Variants in C17orf58 observed in about 807,000 individuals in gnomAD.
C17orf58 encodes the protein UPF0450 protein C17orf58.
In C17orf58, 5 loss-of-function variants were observed where a neutral mutation model predicts 7.4. The observed-to-expected ratio is 0.67, with a 90% CI of 0.35 to 1.42. C17orf58 has a LOEUF of 1.42. Ranked by LOEUF, C17orf58 falls within the 40% of genes most tolerant of loss-of-function variation. The probability of loss-of-function intolerance (pLI) is 0.04; values close to 1 mark genes in which losing one functional copy is unlikely to be tolerated. For synonymous variants in C17orf58, 60 were observed against 70.6 expected (o/e 0.85, Z 0.75); for missense variants, 162 against 174.2 (o/e 0.93, Z 0.40).
Position 67,991,875 on chromosome 17 carries a change from C to G in C17orf58, c.*38G>C, listed in dbSNP as rs782136524. 2.3e-5 allele frequency: 36 copies of G among 1,539,198 alleles called. No homozygotes were observed. In the South Asian group the frequency reaches 4.1e-4, roughly 17 times the overall value. ...CCTTTCATGTCTTGTTGCCGACGTC[C>G]AAGTCTCTTGCGGTCCAGAAATGCC... is the stretch of plus-strand genomic sequence containing the variant. On this transcript the variant is annotated 3_prime_UTR_variant, in exon 4 of 4. Transcript: ENST00000580729.
At chr17:67,994,041 G>A in intron 1 of C17orf58, 57 bp from the exon 2 acceptor site, 1 of 383,930 alleles carries the variant, frequency 2.6e-6, no homozygotes, top group Non-Finnish European at 4.6e-6. Context: ...AGCAGTGAGG[G>A]GAGGCCGTCG....
In C17orf58 at chr17:67,996,163, G is replaced by T. The variant is rs1356590878; in HGVS notation, c.36C>A (p.Ile12=). Residue 12 remains isoleucine, a synonymous_variant, in exon 1 of 4, where the codon ATC becomes ATA. Transcript: ENST00000580729. ...CCGGTGCTTCGGGGGATGATCCGAC[G>T]ATCAAACAGAGGAGCCAGAAAGCTC... is the stretch of plus-strand genomic sequence containing the variant. The part of the protein sequence containing the change: ...TARAFWLLCL[I]VGSSPEAPVA... 2.5e-6 allele frequency: 1 copy of T among 399,006 alleles called. No homozygotes were observed. Among genetic ancestry groups the T allele is most frequent in the Non-Finnish European group, 4.4e-6 (1 of 226,104 alleles). The allele number at this position is 399,006 out of a possible 1,614,324, so 24.7% of individuals were successfully genotyped here.
At chr17:67,992,665 A>G (rs1434220024) in intron 3 of C17orf58, among the ~76,000 whole-genome samples, 1 of 151,206 alleles carries the variant, frequency 6.6e-6, no homozygotes, top group Non-Finnish European at 1.5e-5. Flanking sequence ...CCCAGAGCAC[A>G]TGTCTAGAAA....
intron 1 of C17orf58, among the ~76,000 whole-genome samples, chr17:67,995,819 C>T (rs1310289144): frequency 1.3e-5 from 2 of 152,260 alleles, no homozygotes; most frequent in Admixed American, 1.3e-4. Flanking sequence ...CGCCACGACC[C>T]CTTTTGACAC....
Position 67,993,057 on chromosome 17 carries a change from T to A in C17orf58, c.816A>T (p.Pro272=), listed in dbSNP as rs2148736844. The change falls in exon 3 of 4, where the codon CCA becomes CCT. Residue 272 remains proline (P), a synonymous_variant. Coordinates refer to ENST00000580729, the MANE Select transcript of C17orf58 (RefSeq NM_001382359.1). The surrounding 1 kb of genome is among the most constrained non-coding windows in gnomAD (Gnocchi z 5.1). The stretch of plus-strand genomic sequence containing the variant: ...CAGTTTCAATACCAGGTTTAAACTC[T>A]GGACACGGCTTATTGCAGCTGGAGG... ...LDSSSCNKPC[P]EFKPGSRYIV... 1.2e-6 allele frequency: 2 copies of A among 1,614,204 alleles called. No individual in the cohort carries two copies. The highest frequency in any genetic ancestry group is 4.5e-5 in the East Asian group (2 of 44,878).
rs1291189426 is a variant in C17orf58 at position 67,994,510 on chromosome 17, G to GTATA, written c.77-527_77-526insTATA. Among the ~76,000 whole-genome samples, 187 of 71,502 alleles carry GTATA rather than the reference G, an allele frequency of 2.6e-3. 2 individuals carry two copies. The highest frequency in any genetic ancestry group is 8.0e-3 in the African/African-American group (167 of 20,892). 46.9% of individuals were successfully genotyped at this position (71,502 alleles called of 152,430 possible). A position where few individuals can be genotyped will look rare whatever the true frequency, so the allele number is the denominator to read the frequency against. On this transcript the variant is annotated intron_variant, in intron 1 of 3. Coordinates refer to ENST00000580729, the MANE Select transcript of C17orf58 (RefSeq NM_001382359.1). Reference sequence around the variant, plus strand: ...TGCGTGTGCGTGTGTGTGTGTGTGTGTGTGTGTATATATATATATATATAT... The same window carrying GTATA: ...TGCGTGTGCGTGTGTGTGTGTGTGTGTATATGTGTGTATATATATATATATATAT...
Position 67,993,213 on chromosome 17 carries a change from A to T in C17orf58, c.660T>A (p.Asp220Glu). ...SEFAVNGIVH[D>E]VDVLGAGIRL... ...GGATGCCCGCGCCCAGCACGTCCAC[A>T]TCGTGCACGATCCCGTTCACCGCTG... The change falls in exon 3 of 4, where the codon GAT (aspartate) becomes GAA (glutamate). Residue 220 changes from aspartate (D) to glutamate (E), a missense_variant. By Grantham distance (45) the Asp-to-Glu change is conservative. This residue lies in a region of C17orf58 where 93 missense variants were observed against 90.4 expected (regional missense o/e 1.03). Coordinates refer to ENST00000580729, the MANE Select transcript of C17orf58 (RefSeq NM_001382359.1). The surrounding 1 kb of genome is among the most constrained non-coding windows in gnomAD (Gnocchi z 5.1). The T allele has an allele frequency of 6.3e-7, 1 of 1,594,452 alleles. No individual in the cohort carries two copies. Among genetic ancestry groups the T allele is most frequent in the Non-Finnish European group, 8.6e-7 (1 of 1,166,460 alleles).
Position 67,993,274 on chromosome 17 carries a change from G to T in C17orf58, c.638-39C>A. 1 of 1,283,934 alleles carries T rather than the reference G, an allele frequency of 7.8e-7. No individual in the cohort carries two copies. The highest frequency in any genetic ancestry group is 1.1e-6 in the Non-Finnish European group (1 of 925,964). 79.5% of individuals were successfully genotyped at this position (1,283,934 alleles called of 1,614,324 possible). On this transcript the variant is annotated intron_variant, in intron 2 of 3. Transcript: ENST00000580729. The surrounding 1 kb of genome is among the most constrained non-coding windows in gnomAD (Gnocchi z 5.1). ...ACAGTTTGGAGAAGAGCATTACCCC[G>T]AGTTCCTCTCCCAGTCCCCCAGGAG... is the stretch of plus-strand genomic sequence containing the variant.
At chr17:67,992,947 A>G in intron 3 of C17orf58, 97 bp downstream of exon 3, 1 of 1,614,136 alleles carries the variant, frequency 6.2e-7, no homozygotes, top group South Asian at 1.1e-5. Context: ...TCGCTCCCAA[A>G]AAAAGGCTGG....
Position 67,991,342 on chromosome 17 carries a change from T to C in C17orf58, c.*571A>G, listed in dbSNP as rs2070827921. 6.6e-6 allele frequency: 1 copy of C among 152,046 alleles called. No homozygotes were observed. Among genetic ancestry groups the C allele is most frequent in the Admixed American group, 6.6e-5 (1 of 15,226 alleles). 9.4% of individuals were successfully genotyped at this position (152,046 alleles called of 1,614,324 possible). A position where few individuals can be genotyped will look rare whatever the true frequency, so the allele number is the denominator to read the frequency against. ...CTATTTTTTATTTTATTTATTTTTT[T>C]AATCCACCCATCTGCACACTGGCCC... On this transcript the variant is annotated 3_prime_UTR_variant, in exon 4 of 4. Transcript: ENST00000580729.
chr17:67,993,213 A>G lies in C17orf58; in HGVS notation c.660T>C (p.Asp220=). 1.3e-6 allele frequency: 2 copies of G among 1,594,452 alleles called. No homozygotes were observed. The highest frequency in any genetic ancestry group is 1.7e-6 in the Non-Finnish European group (2 of 1,166,460). The change falls in exon 3 of 4, where the codon GAT becomes GAC. Residue 220 remains aspartate (D), a synonymous_variant. Transcript: ENST00000580729. This position sits in a 1 kb window ranked among gnomAD's most constrained non-coding sequence, Gnocchi z 5.1. ...SEFAVNGIVH[D]VDVLGAGIRL... ...GGATGCCCGCGCCCAGCACGTCCAC[A>G]TCGTGCACGATCCCGTTCACCGCTG...
chr17:67,995,800 C>G (rs2070886972), intron 1 of C17orf58, among the ~76,000 whole-genome samples: 1 of 152,232 alleles, frequency 6.6e-6, no homozygotes, highest in Non-Finnish European at 1.5e-5. Context: ...GCACGGCTCC[C>G]GAAAGGCGCG....
chr17:67,991,786 G>T lies in C17orf58; in HGVS notation c.*127C>A. ...CCTTCGAGATTACAGTTGCAGCTAT[G>T]CAAGTCATTCACAGAGTAGCTGAGG... On this transcript the variant is annotated 3_prime_UTR_variant, in exon 4 of 4. Coordinates refer to ENST00000580729, the MANE Select transcript of C17orf58 (RefSeq NM_001382359.1). The T allele has an allele frequency of 1.4e-6, 1 of 725,898 alleles. No homozygotes were observed. The highest frequency in any genetic ancestry group is 2.2e-6 in the Non-Finnish European group (1 of 448,924). 45.0% of individuals were successfully genotyped at this position (725,898 alleles called of 1,614,324 possible).
intron 1 of C17orf58, among the ~76,000 whole-genome samples, chr17:67,994,400 C>CT (rs1274069469): frequency 1.1e-4 from 16 of 151,410 alleles, no homozygotes; most frequent in Non-Finnish European, 4.4e-5. Context: ...CCTATTTACT[C>CT]TAAGACTAAA....
rs1280800311 is a variant in C17orf58, at chr17:67,991,197, G to A, written c.*716C>T. 6.6e-6 allele frequency: 1 copy of A among 152,176 alleles called. No individual in the cohort carries two copies. The highest frequency in any genetic ancestry group is 2.4e-5 in the African/African-American group (1 of 41,432). The allele number at this position is 152,176 out of a possible 1,614,324, so 9.4% of individuals were successfully genotyped here. A position where few individuals can be genotyped will look rare whatever the true frequency, so the allele number is the denominator to read the frequency against. ...ATACATCCAAAATACATTTCACATT[G>A]GGATAGCTGCCAGTTCAGCACAAAA... On this transcript the variant is annotated 3_prime_UTR_variant, in exon 4 of 4. Transcript: ENST00000580729.
At position 67,993,907 on chromosome 17, in the gene C17orf58, G is replaced by GCT. The variant is rs1291250996; in HGVS notation, c.152_153dup (p.Pro52SerfsTer164). 5.1e-6 allele frequency: 2 copies of GCT among 390,686 alleles called. No homozygotes were observed. The highest frequency in any genetic ancestry group is 3.6e-5 in the East Asian group (1 of 27,542). 24.2% of individuals were successfully genotyped at this position (390,686 alleles called of 1,614,324 possible). ...GGCCGCTGCGGGGCCTCAAGGAGTG[G>GCT]CTGCGCGCGGGGCCCCGGTGTCTCC... On this transcript the variant is annotated frameshift_variant, in exon 2 of 4. Transcript: ENST00000580729. LOFTEE classifies it high-confidence loss of function. The surrounding 1 kb of genome is among the most constrained non-coding windows in gnomAD (Gnocchi z 5.1).
chr17:67,995,286 G>C (rs1240265469), intron 1 of C17orf58, among the ~76,000 whole-genome samples: 1 of 152,182 alleles, frequency 6.6e-6, no homozygotes, highest in East Asian at 1.9e-4. Context: ...GCTGAATAAA[G>C]TTCTGGTGGA....
In C17orf58 at chr17:67,993,309, A is replaced by G; in HGVS notation, c.638-74T>C. 1.0e-6 allele frequency: 1 copy of G among 961,924 alleles called. No homozygotes were observed. Among genetic ancestry groups the G allele is most frequent in the Non-Finnish European group, 1.5e-6 (1 of 648,790 alleles). 59.6% of individuals were successfully genotyped at this position (961,924 alleles called of 1,614,324 possible). A position where few individuals can be genotyped will look rare whatever the true frequency, so the allele number is the denominator to read the frequency against. ...CCCAGTCCCCCAGGAGGTGGTTTTTAGCAACCGCGAAACGGCCCGCACGGG... is the reference window on the plus strand; with the variant it reads ...CCCAGTCCCCCAGGAGGTGGTTTTTGGCAACCGCGAAACGGCCCGCACGGG... On this transcript the variant is annotated intron_variant, in intron 2 of 3. Transcript: ENST00000580729. This position sits in a 1 kb window ranked among gnomAD's most constrained non-coding sequence, Gnocchi z 5.1.
At chr17:67,992,454 G>A (rs2070842530) in intron 3 of C17orf58, among the ~76,000 whole-genome samples, 1 of 150,828 alleles carries the variant, frequency 6.6e-6, no homozygotes, top group Non-Finnish European at 1.5e-5. Context: ...TGTAACCCCA[G>A]CTGCTTGGGA....
Sources: allele counts gnomAD v4.1 joint callset (sites outside exome capture counted in the v4.1 genomes callset), GRCh38; gene constraint gnomAD v4.1.1; regional missense constraint gnomAD v4.1.1; non-coding constraint Gnocchi (gnomAD v3.1); transcripts MANE v1.5; gene names NCBI Gene and HGNC (gene_info 2026-07-23, HGNC 2026-07-21).